The following EPS15 variants were observed in gnomAD, a reference collection of about 807,000 sequenced individuals.
EPS15 encodes epidermal growth factor receptor substrate 15.
A neutral mutation model predicts 113.8 loss-of-function variants in EPS15; 72 were observed. The observed-to-expected ratio is 0.63, with a 90% confidence interval of 0.52 to 0.77. The LOEUF (loss-of-function observed/expected upper bound fraction) is 0.77, where lower values mean the gene tolerates loss of function less well. EPS15 is among the 30% of genes least tolerant of loss of function. The pLI, the probability that EPS15 is intolerant of heterozygous loss-of-function variation, is 0.00. For missense variants in EPS15, 1,048 were observed against 1,045.8 expected (o/e 1.00, Z -0.03); for synonymous variants, 344 against 363.4 (o/e 0.95, Z 0.61).
chr1:51,368,094 T>A (rs1239679284), intron 21 of EPS15, among the ~76,000 whole-genome samples: 1 of 152,132 alleles, frequency 6.6e-6, no homozygotes, highest in Non-Finnish European at 1.5e-5. Context: ...ATTGCGCCAC[T>A]GCACTCCAGC....
intron 12 of EPS15, among the ~76,000 whole-genome samples, chr1:51,436,850 A>C (rs1652188703): frequency 1.3e-5 from 2 of 152,182 alleles, no homozygotes; most frequent in African/African-American, 4.8e-5. Flanking sequence ...GGGAGATACA[A>C]AACAGAGGTG....
Position 51,471,040 on chromosome 1 carries a change from T to C in EPS15, c.213+650A>G, listed in dbSNP as rs543896418. On this transcript the variant is annotated intron_variant, in intron 4 of 24. Transcript: ENST00000371733. ...AAGACTGGATATTCTGACCCTCTCA[T>C]CAAATTTCTCCAATATCTGGCTTTG... Among the ~76,000 whole-genome samples, 13 of 152,292 alleles carry C rather than the reference T, an allele frequency of 8.5e-5. No homozygotes were observed. In the East Asian group the frequency reaches 2.5e-3, roughly 29 times the overall value.
chr1:51,431,027 CAA>C (rs35143535), intron 12 of EPS15, among the ~76,000 whole-genome samples: 1,609 of 96,022 alleles, frequency 0.017, 16 homozygotes, highest in Non-Finnish European at 0.023. Flanking sequence ...CACACACACA[CAA>C]AAATAAAACT....
At position 51,408,300 on chromosome 1, in the gene EPS15, C is replaced by T. The variant is rs1245049446; in HGVS notation, c.1308G>A (p.Gln436=). 2 of 1,613,308 alleles carry T rather than the reference C, an allele frequency of 1.2e-6. No homozygotes were observed. Residue 436 remains glutamine, a synonymous_variant, in exon 15 of 25, where the codon CAG becomes CAA. Transcript: ENST00000371733. ...CTTCGTAAGTGGAGATCTGCGATTC[C>T]TGACTAGTTAATTCAGCTTTCAGAG... The part of the protein sequence containing the change: ...ISSLKAELTS[Q]ESQISTYEEE...
At chr1:51,468,364 G>A in intron 5 of EPS15, 109 bp downstream of exon 5, 1 of 825,300 alleles carries the variant, frequency 1.2e-6, no homozygotes, top group South Asian at 1.5e-5. Context: ...GTAGCTGAGT[G>A]AAAGGGCCAA....
intron 12 of EPS15, among the ~76,000 whole-genome samples, chr1:51,435,892 G>A (rs1436249692): frequency 5.3e-5 from 8 of 152,128 alleles, no homozygotes; most frequent in Non-Finnish European, 2.9e-5. Flanking sequence ...TATTTAAGAC[G>A]GGTCTTGAAC....
intron 8 of EPS15, among the ~76,000 whole-genome samples, chr1:51,452,019 C>T (rs1355651364): frequency 6.6e-6 from 1 of 151,622 alleles, no homozygotes; most frequent in Non-Finnish European, 1.5e-5. Flanking sequence ...GTAGCTGGGT[C>T]TACAGGTAAA....
chr1:51,459,855 G>A (rs920080762), intron 8 of EPS15, among the ~76,000 whole-genome samples: 2 of 152,070 alleles, frequency 1.3e-5, no homozygotes, highest in African/African-American at 4.8e-5. Context: ...CACTAAACCT[G>A]TATTCAAGGG....
intron 13 of EPS15, 148 bp from the exon 14 acceptor site, chr1:51,409,844 A>G (rs1018796877): frequency 1.8e-6 from 1 of 562,628 alleles, no homozygotes; most frequent in East Asian, 3.1e-5. Flanking sequence ...TTTAAATACA[A>G]TCTTTACTTG....
chr1:51,515,005 T>C (rs1644689338), intron 1 of EPS15, among the ~76,000 whole-genome samples: 2 of 152,356 alleles, frequency 1.3e-5, no homozygotes, highest in Admixed American at 1.3e-4. Flanking sequence ...ACTGTCATAA[T>C]TGTTAAACCA....
intron 21 of EPS15, among the ~76,000 whole-genome samples, chr1:51,391,325 G>T (rs1215108087): frequency 6.6e-6 from 1 of 152,030 alleles, no homozygotes; most frequent in Admixed American, 6.6e-5. Flanking sequence ...GGGTTGGGGG[G>T]AAGGGGGAGG....
intron 1 of EPS15, among the ~76,000 whole-genome samples, chr1:51,493,496 G>A (rs910039358): frequency 6.7e-6 from 1 of 150,242 alleles, no homozygotes; most frequent in Non-Finnish European, 1.5e-5. Context: ...CTGCACTCCA[G>A]CCTGGGCGAC....
chr1:51,420,510 A>AT (rs958659779), intron 13 of EPS15, among the ~76,000 whole-genome samples: 2 of 151,692 alleles, frequency 1.3e-5, no homozygotes, highest in Non-Finnish European at 2.9e-5. Flanking sequence ...TGTGTAGATT[A>AT]TTTTATCTTC....
At chr1:51,519,092 C>T in intron 1 of EPS15, 107 bp downstream of exon 1, 1 of 750,094 alleles carries the variant, frequency 1.3e-6, no homozygotes, top group Non-Finnish European at 2.0e-6. Flanking sequence ...GCCCACAAGC[C>T]AAGAAGCTGC....
intron 21 of EPS15, among the ~76,000 whole-genome samples, chr1:51,387,762 A>G (rs1647127160): frequency 1.3e-5 from 2 of 152,280 alleles, no homozygotes; most frequent in Middle Eastern, 3.4e-3. Flanking sequence ...TTCAACAAGA[A>G]GAGCTAACTA....
chr1:51,465,689 C>T (rs1352729817), intron 5 of EPS15, among the ~76,000 whole-genome samples: 1 of 152,050 alleles, frequency 6.6e-6, no homozygotes, highest in Non-Finnish European at 1.5e-5. Flanking sequence ...TGCACCACCA[C>T]ACCCAGCTAA....
At chr1:51,507,054 G>A (rs1029714855) in intron 1 of EPS15, among the ~76,000 whole-genome samples, 1 of 152,150 alleles carries the variant, frequency 6.6e-6, no homozygotes, top group African/African-American at 2.4e-5. Flanking sequence ...ATTATTGCTC[G>A]AGTTAACCCT....
intron 21 of EPS15, among the ~76,000 whole-genome samples, chr1:51,382,833 TC>T (rs1307251266): frequency 6.6e-6 from 1 of 152,180 alleles, no homozygotes; most frequent in Non-Finnish European, 1.5e-5. Context: ...AAAACCAGTC[TC>T]CCTCAAACTC....
chr1:51,457,244 G>A lies in EPS15; in HGVS notation c.561+3847C>T, dbSNP rs183936049. On this transcript the variant is annotated intron_variant, in intron 8 of 24. Transcript: ENST00000371733. ...GGAGCTTGCAGTGAGCTGAGATCGC[G>A]CCACTGCACTCCAGCCTGGGCAACA... 1.7e-3 allele frequency among the ~76,000 whole-genome samples: 266 copies of A among 152,024 alleles called. 1 individual carries two copies. The highest frequency in any genetic ancestry group is 6.0e-3 in the African/African-American group (247 of 41,466).
Sources: gnomAD v4.1 joint callset for allele counts (sites outside exome capture counted in the v4.1 genomes callset) on GRCh38, gnomAD v4.1.1 for gene constraint, MANE v1.5 for transcripts, NCBI Gene and HGNC (gene_info 2026-07-23, HGNC 2026-07-21) for gene names.